The following OLA1 variants were observed in gnomAD, a reference collection of about 807,000 sequenced individuals.
OLA1 encodes the protein Obg like ATPase 1.
OLA1 carries 14 observed loss-of-function variants against 48.4 expected under a neutral mutation model. That is an observed-to-expected ratio of 0.29 (90% CI 0.19 to 0.45). OLA1 has a LOEUF of 0.45. OLA1 is among the 20% of genes least tolerant of loss of function. The probability of loss-of-function intolerance (pLI) is 1.00; values close to 1 mark genes in which losing one functional copy is unlikely to be tolerated. For synonymous variants in OLA1, 127 were observed against 150.4 expected (o/e 0.84, Z 1.14); for missense variants, 325 against 467.1 (o/e 0.70, Z 2.80).
chr2:174,086,807 AT>A (rs1234065611), intron 7 of OLA1, among the ~76,000 whole-genome samples: 3 of 152,112 alleles, frequency 2.0e-5, no homozygotes, highest in Non-Finnish European at 4.4e-5. Context: ...GAAATTGTTT[AT>A]TTTTGCCCAT....
intron 4 of OLA1, among the ~76,000 whole-genome samples, chr2:174,177,731 A>AT (rs1294013421): frequency 6.6e-6 from 1 of 151,828 alleles, no homozygotes; most frequent in African/African-American, 2.4e-5. Flanking sequence ...GATTTCTTAA[A>AT]TTTTTTTCAG....
chr2:174,098,380 T>C (rs1222964661), intron 7 of OLA1, among the ~76,000 whole-genome samples: 1 of 152,324 alleles, frequency 6.6e-6, no homozygotes, highest in South Asian at 2.1e-4. Flanking sequence ...ACTGGCTTAA[T>C]GGAATATTCT....
intron 7 of OLA1, among the ~76,000 whole-genome samples, chr2:174,121,749 C>A (rs774243603): frequency 6.6e-6 from 1 of 152,144 alleles, no homozygotes; most frequent in African/African-American, 2.4e-5. Context: ...CACAGACTGG[C>A]GTCTCCTAAG....
At chr2:174,208,806 G>C (rs1418914392) in intron 4 of OLA1, among the ~76,000 whole-genome samples, 1 of 152,060 alleles carries the variant, frequency 6.6e-6, no homozygotes, top group African/African-American at 2.4e-5. Context: ...TATTCCCTTA[G>C]CCAGGTTCTC....
intron 2 of OLA1, among the ~76,000 whole-genome samples, chr2:174,235,740 C>T (rs533590142): frequency 5.9e-5 from 9 of 152,252 alleles, no homozygotes; most frequent in South Asian, 4.1e-4. Flanking sequence ...ACAGAGAAAA[C>T]GCTCTGAAGA....
intron 4 of OLA1, among the ~76,000 whole-genome samples, chr2:174,178,589 C>T (rs1039231410): frequency 3.2e-4 from 49 of 151,996 alleles, no homozygotes; most frequent in Admixed American, 1.0e-3. Context: ...TTTCTGCATG[C>T]GTTATGTCAG....
At chr2:174,079,848 A>ATTGGG (rs988130461) in intron 9 of OLA1, among the ~76,000 whole-genome samples, 1 of 151,964 alleles carries the variant, frequency 6.6e-6, no homozygotes, top group African/African-American at 2.4e-5. Context: ...TAAAAGATGT[A>ATTGGG]TTGGGTTAAT....
chr2:174,120,936 A>G (rs1442318072), intron 7 of OLA1, among the ~76,000 whole-genome samples: 1 of 152,218 alleles, frequency 6.6e-6, no homozygotes, highest in Non-Finnish European at 1.5e-5. Flanking sequence ...CTTATTTGCT[A>G]TAGTAACATT....
chr2:174,224,091 C>A (rs1247296547), intron 3 of OLA1, among the ~76,000 whole-genome samples: 1 of 152,136 alleles, frequency 6.6e-6, no homozygotes, highest in Non-Finnish European at 1.5e-5. Flanking sequence ...TGATAAAATA[C>A]AACATAAAAG....
At chr2:174,171,728 C>A (rs1055591559) in intron 4 of OLA1, among the ~76,000 whole-genome samples, 2 of 152,138 alleles carry the variant, frequency 1.3e-5, no homozygotes, top group African/African-American at 4.8e-5. Flanking sequence ...AAATTAAAAC[C>A]AAACAGGCGT....
At chr2:174,191,239 A>T (rs971005814) in intron 4 of OLA1, among the ~76,000 whole-genome samples, 2 of 150,570 alleles carry the variant, frequency 1.3e-5, no homozygotes, top group Non-Finnish European at 1.5e-5. Flanking sequence ...ATTTATACTT[A>T]AAAATATATG....
intron 3 of OLA1, among the ~76,000 whole-genome samples, chr2:174,224,551 G>C (rs1688575682): frequency 6.6e-6 from 1 of 152,138 alleles, no homozygotes; most frequent in African/African-American, 2.4e-5. Context: ...CAGGAGGGAG[G>C]ATGGCTTGAG....
chr2:174,080,269 C>T (rs1481856535), intron 9 of OLA1, among the ~76,000 whole-genome samples: 2 of 151,910 alleles, frequency 1.3e-5, no homozygotes, highest in Non-Finnish European at 2.9e-5. Flanking sequence ...CAATAAATTA[C>T]AGTAGTCACT....
chr2:174,231,307 A>ACTT (rs1688724206), intron 2 of OLA1, among the ~76,000 whole-genome samples: 2 of 152,232 alleles, frequency 1.3e-5, no homozygotes, highest in African/African-American at 4.8e-5. Flanking sequence ...TGTTGTAATA[A>ACTT]AAGTACTTAA....
intron 7 of OLA1, among the ~76,000 whole-genome samples, chr2:174,113,356 T>G (rs1340737313): frequency 1.3e-5 from 2 of 152,138 alleles, no homozygotes; most frequent in Non-Finnish European, 2.9e-5. Flanking sequence ...TTTTGGGGGG[T>G]TTATTCTGTA....
chr2:174,078,123 C>T (rs1684788216), intron 10 of OLA1, among the ~76,000 whole-genome samples: 1 of 151,956 alleles, frequency 6.6e-6, no homozygotes, highest in South Asian at 2.1e-4. Flanking sequence ...ATGACCTTTC[C>T]AATGATACCA....
chr2:174,180,285 T>C (rs1193726908), intron 4 of OLA1, among the ~76,000 whole-genome samples: 3 of 152,188 alleles, frequency 2.0e-5, no homozygotes, highest in Non-Finnish European at 2.9e-5. Context: ...ATAAAACAAA[T>C]GTATCCATTT....
rs556407460 is a variant in OLA1, at chr2:174,143,017, G to C, written c.374-1017C>G. ...AATCATGAGAGTTTGATTGAGTTTG[G>C]TAAGAGAAACAGTGAACACAGCTCA... On this transcript the variant is annotated intron_variant, in intron 4 of 10. Transcript: ENST00000284719. Among the ~76,000 whole-genome samples the C allele has an allele frequency of 7.2e-5, 11 of 152,232 alleles. No individual in the cohort carries two copies. The East Asian group carries it at 2.1e-3, about 29-fold the overall frequency.
intron 10 of OLA1, among the ~76,000 whole-genome samples, chr2:174,075,862 C>G (rs1306138737): frequency 6.6e-6 from 1 of 152,138 alleles, no homozygotes; most frequent in Non-Finnish European, 1.5e-5. Flanking sequence ...CAGCAAGTCA[C>G]TGTAACAAAA....
Sources: gnomAD v4.1 joint callset for allele counts (sites outside exome capture counted in the v4.1 genomes callset) on GRCh38, gnomAD v4.1.1 for gene constraint, MANE v1.5 for transcripts, NCBI Gene and HGNC (gene_info 2026-07-23, HGNC 2026-07-21) for gene names.